The following SCTR variants were observed in gnomAD, a reference collection of about 807,000 sequenced individuals.
The protein encoded by SCTR is secretin receptor.
Under a neutral mutation model 60.8 loss-of-function variants are expected in SCTR, and 56 were observed. The observed-to-expected ratio is 0.92, with a 90% CI of 0.74 to 1.15. The LOEUF (loss-of-function observed/expected upper bound fraction) is 1.15. Among genes scored for constraint, SCTR ranks in the 50% most tolerant of loss-of-function variants. The pLI, the probability that SCTR is intolerant of heterozygous loss-of-function variation, is 0.00. For missense variants in SCTR, 562 were observed against 550.4 expected, an observed-to-expected ratio of 1.02 and a Z score of -0.21; for synonymous variants, 202 against 217.0, an observed-to-expected ratio of 0.93 and a Z score of 0.61.
intron 1 of SCTR, among the ~76,000 whole-genome samples, chr2:119,519,345 T>G (rs1679213944): frequency 6.6e-6 from 1 of 152,220 alleles, no homozygotes; most frequent in African/African-American, 2.4e-5. Context: ...CCATGCTCAT[T>G]TCTGGGCCCC....
intron 7 of SCTR, among the ~76,000 whole-genome samples, chr2:119,460,913 C>A (rs909620863): frequency 6.6e-6 from 1 of 152,144 alleles, no homozygotes; most frequent in Non-Finnish European, 1.5e-5. Flanking sequence ...TTCAAGCAGT[C>A]CAACCAGAGT....
chr2:119,513,374 T>A (rs1453833807), intron 1 of SCTR, among the ~76,000 whole-genome samples: 4 of 152,228 alleles, frequency 2.6e-5, no homozygotes, highest in African/African-American at 9.6e-5. Context: ...GGTCAATCTG[T>A]CATCTTAAAC....
rs192799849 is a variant in SCTR at position 119,482,550 on chromosome 2, T to C, written c.194-3632A>G. ...TGTGTCCTTGGAGGCATATGGGAGA[T>C]GAGGAACTCCTTGGATGTTCCAGAA... On this transcript the variant is annotated intron_variant, in intron 2 of 12. Transcript: ENST00000019103. Among the ~76,000 whole-genome samples the C allele has an allele frequency of 2.9e-3, 446 of 152,234 alleles. 1 individual carries two copies. The highest frequency in any genetic ancestry group is 0.01 in the Middle Eastern group (3 of 294).
At chr2:119,471,961 C>A (rs1677035820) in intron 4 of SCTR, among the ~76,000 whole-genome samples, 1 of 152,178 alleles carries the variant, frequency 6.6e-6, no homozygotes, top group Non-Finnish European at 1.5e-5. Flanking sequence ...AGCTGGCACT[C>A]AGTAGATGTT....
At chr2:119,485,112 G>A (rs555607021) in intron 2 of SCTR, among the ~76,000 whole-genome samples, 46 of 152,346 alleles carry the variant, frequency 3.0e-4, no homozygotes, top group African/African-American at 5.5e-4. Context: ...AGCTGCAGGC[G>A]AGATCCCCCT....
intron 11 of SCTR, among the ~76,000 whole-genome samples, chr2:119,443,462 T>C (rs1029676781): frequency 6.6e-6 from 1 of 152,274 alleles, no homozygotes; most frequent in African/African-American, 2.4e-5. Context: ...TTTTTTCTTA[T>C]TATTTTTCTT....
chr2:119,492,254 T>C (rs1678158579), intron 2 of SCTR, among the ~76,000 whole-genome samples: 1 of 152,250 alleles, frequency 6.6e-6, no homozygotes, highest in Non-Finnish European at 1.5e-5. Flanking sequence ...CAGCTCTTTT[T>C]GTAATATGCA....
chr2:119,459,490 T>C (rs1683513220), intron 7 of SCTR, among the ~76,000 whole-genome samples: 1 of 151,834 alleles, frequency 6.6e-6, no homozygotes, highest in Non-Finnish European at 1.5e-5. Flanking sequence ...TTTGATGAAA[T>C]CAGTATAATT....
intron 9 of SCTR, among the ~76,000 whole-genome samples, chr2:119,450,893 T>C (rs923301216): frequency 6.6e-6 from 1 of 152,136 alleles, no homozygotes; most frequent in African/African-American, 2.4e-5. Context: ...GCCCAGGAGG[T>C]GGAGGTTGCA....
At chr2:119,475,048 C>T (rs868750775) in intron 3 of SCTR, among the ~76,000 whole-genome samples, 42 of 152,300 alleles carry the variant, frequency 2.8e-4, no homozygotes, top group Middle Eastern at 3.4e-3. Context: ...TGAGAGCACA[C>T]GGAAAATGCC....
At chr2:119,503,015 C>T (rs2104921874) in intron 1 of SCTR, among the ~76,000 whole-genome samples, 1 of 150,360 alleles carries the variant, frequency 6.7e-6, no homozygotes, top group Non-Finnish European at 1.5e-5. Flanking sequence ...AAAAATTAGC[C>T]AGGTGTGGTG....
chr2:119,453,996 C>A (rs1474717724), intron 7 of SCTR, among the ~76,000 whole-genome samples: 1 of 152,146 alleles, frequency 6.6e-6, no homozygotes, highest in Admixed American at 6.5e-5. Context: ...CCCCTGAAGC[C>A]CCTCTAAAAT....
At chr2:119,459,474 C>A (rs910827144) in intron 7 of SCTR, among the ~76,000 whole-genome samples, 1 of 151,758 alleles carries the variant, frequency 6.6e-6, no homozygotes, top group Non-Finnish European at 1.5e-5. Context: ...ATTTAAGCAA[C>A]CTATCTTTGA....
At chr2:119,509,908 T>G (rs1432023404) in intron 1 of SCTR, among the ~76,000 whole-genome samples, 5 of 152,146 alleles carry the variant, frequency 3.3e-5, no homozygotes, top group Admixed American at 3.3e-4. Context: ...TCACACAGTA[T>G]TGGTTTCATT....
chr2:119,479,430 G>A (rs553097248), intron 2 of SCTR: 73 of 213,986 alleles, frequency 3.4e-4, no homozygotes, highest in African/African-American at 1.3e-3. Context: ...TAATTCTAAC[G>A]TTTGACTGCA....
intron 2 of SCTR, among the ~76,000 whole-genome samples, chr2:119,492,063 G>A (rs1573896766): frequency 6.6e-6 from 1 of 152,286 alleles, no homozygotes; most frequent in East Asian, 1.9e-4. Flanking sequence ...AGGAAAGTCT[G>A]GCTTCCCAGT....
rs558515128 is a variant in SCTR, at chr2:119,505,438, G to A, written c.73-10890C>T. On this transcript the variant is annotated intron_variant, in intron 1 of 12. Coordinates refer to ENST00000019103, the MANE Select transcript of SCTR (RefSeq NM_002980.3). ...GTATACATATGTAACTAACCTGCACGTTGTGCACATGTACCCTAAAATTTA... is the reference window on the plus strand; with the variant it reads ...GTATACATATGTAACTAACCTGCACATTGTGCACATGTACCCTAAAATTTA... Among the ~76,000 whole-genome samples, 11 of 151,008 alleles carry A rather than the reference G, an allele frequency of 7.3e-5. No homozygotes were observed. In the South Asian group the frequency reaches 8.4e-4, roughly 12 times the overall value.
intron 4 of SCTR, among the ~76,000 whole-genome samples, chr2:119,471,767 A>T (rs1434688103): frequency 2.0e-5 from 3 of 152,146 alleles, no homozygotes; most frequent in African/African-American, 7.2e-5. Flanking sequence ...TCTTATGGGG[A>T]GGTATCAGAA....
intron 1 of SCTR, among the ~76,000 whole-genome samples, chr2:119,513,053 C>T (rs1679007276): frequency 6.6e-6 from 1 of 152,184 alleles, no homozygotes; most frequent in Admixed American, 6.5e-5. Context: ...GCCTGGTGGC[C>T]TTCACTGTAA....
Sources: gnomAD v4.1 joint callset for allele counts (sites outside exome capture counted in the v4.1 genomes callset) on GRCh38, gnomAD v4.1.1 for gene constraint, MANE v1.5 for transcripts, NCBI Gene and HGNC (gene_info 2026-07-23, HGNC 2026-07-21) for gene names.